Variants in TLN2 observed in about 807,000 individuals in gnomAD.
TLN2 encodes talin-2.
TLN2 carries 118 observed loss-of-function variants against 294.7 expected under a neutral mutation model. The ratio of observed to expected loss-of-function variants is 0.40; its 90% CI spans 0.34 to 0.47. The LOEUF is 0.47. Among genes scored for constraint, TLN2 ranks in the 20% least tolerant of loss-of-function variants. TLN2 has a pLI of 0.84. For missense variants in TLN2, 3,083 were observed against 3,282.2 expected (o/e 0.94, Z 1.48); for synonymous variants, 1,431 against 1,304.5 (o/e 1.10, Z -2.09).
At chr15:62,518,594 GT>G (rs1202686248) in intron 1 of TLN2, among the ~76,000 whole-genome samples, 1 of 151,622 alleles carries the variant, frequency 6.6e-6, no homozygotes, top group Admixed American at 6.6e-5. Context: ...GACCTGCAAT[GT>G]TTTTTTTGTT....
At chr15:62,591,774 G>A (rs1338162240) in intron 2 of TLN2, among the ~76,000 whole-genome samples, 1 of 152,108 alleles carries the variant, frequency 6.6e-6, no homozygotes, top group East Asian at 1.9e-4. Context: ...CTCCAGGCTG[G>A]GTGTGGAGGT....
chr15:62,816,451 C>T (rs1374261474), intron 52 of TLN2, among the ~76,000 whole-genome samples: 1 of 152,212 alleles, frequency 6.6e-6, no homozygotes, highest in Non-Finnish European at 1.5e-5. Context: ...TATCAGAAAT[C>T]ATGTTGACTT....
chr15:62,720,945 T>C (rs944670190), intron 25 of TLN2, among the ~76,000 whole-genome samples: 5 of 152,168 alleles, frequency 3.3e-5, no homozygotes, highest in African/African-American at 1.2e-4. Context: ...CTTTGCAGAT[T>C]ATGACTTGGA....
At position 62,800,641 on chromosome 15, in the gene TLN2, C is replaced by A. The variant is rs773080182; in HGVS notation, c.6361-12C>A. The A allele has an allele frequency of 4.3e-6, 7 of 1,613,690 alleles. No homozygotes were observed. The highest frequency in any genetic ancestry group is 5.9e-6 in the Non-Finnish European group (7 of 1,179,814). On this transcript the variant is annotated splice_polypyrimidine_tract_variant and intron_variant, in intron 49 of 58. Coordinates refer to ENST00000636159, the MANE Select transcript of TLN2 (RefSeq NM_015059.3). ...ACTGCACTATCTGTATTCATTCTCC[C>A]TTCCTATGCAGGTGATGGTGACCAA...
chr15:62,687,703 G>A (rs552007552), intron 12 of TLN2: 1 of 152,096 alleles, frequency 6.6e-6, no homozygotes, highest in Admixed American at 6.5e-5. Context: ...TATCATAATA[G>A]GACATCAGAA....
chr15:62,648,996 C>T (rs562252552), intron 4 of TLN2, among the ~76,000 whole-genome samples: 10 of 152,146 alleles, frequency 6.6e-5, no homozygotes, highest in Admixed American at 2.0e-4. Flanking sequence ...CAGGTGCACA[C>T]GCCACCACAC....
intron 54 of TLN2, chr15:62,832,666 A>G (rs2069001339): frequency 6.6e-6 from 1 of 152,210 alleles, no homozygotes. Flanking sequence ...TGTCCAGAGG[A>G]CAGAACAAGC....
chr15:62,748,767 G>C (rs2061755553), intron 33 of TLN2, among the ~76,000 whole-genome samples: 1 of 152,198 alleles, frequency 6.6e-6, no homozygotes, highest in African/African-American at 2.4e-5. Context: ...CTGAAGATCA[G>C]CAATTTTTAC....
chr15:62,508,341 C>T lies in TLN2; in HGVS notation c.-237-81346C>T, dbSNP rs187418261. ...AAGCGATTCTCCTGCCTCAGCCTCC[C>T]GGGTAGCTGGGACTACAGGCGCGTG... is the stretch of plus-strand genomic sequence containing the variant. On this transcript the variant is annotated intron_variant, in intron 1 of 58. Transcript: ENST00000636159. Among the ~76,000 whole-genome samples, 687 of 152,236 alleles carry T rather than the reference C, an allele frequency of 4.5e-3. 8 individuals carry two copies. The highest frequency in any genetic ancestry group is 0.016 in the African/African-American group (657 of 41,526).
At chr15:62,670,637 C>G (rs1387349234) in intron 9 of TLN2, among the ~76,000 whole-genome samples, 1 of 152,148 alleles carries the variant, frequency 6.6e-6, no homozygotes, top group Non-Finnish European at 1.5e-5. Flanking sequence ...CATGTTGTAA[C>G]ATATTTCAGT....
intron 1 of TLN2, among the ~76,000 whole-genome samples, chr15:62,527,744 TC>T (rs1449307113): frequency 6.6e-6 from 1 of 152,202 alleles, no homozygotes; most frequent in African/African-American, 2.4e-5. Context: ...AGCTGGTGGG[TC>T]TTATCCACTG....
chr15:62,843,697 C>CA lies in TLN2; in HGVS notation c.*3093dup, dbSNP rs2070930740. ...CAACTAAAGCCTGTTCCTAATTTATCAAAAAATTATAACCAAAATTCACCA... is the reference window on the plus strand; with the variant it reads ...CAACTAAAGCCTGTTCCTAATTTATCAAAAAAATTATAACCAAAATTCACCA... On this transcript the variant is annotated 3_prime_UTR_variant, in exon 59 of 59. Transcript: ENST00000636159. 1 of 152,184 alleles carries CA rather than the reference C, an allele frequency of 6.6e-6. No individual in the cohort carries two copies. The highest frequency in any genetic ancestry group is 1.5e-5 in the Non-Finnish European group (1 of 68,032). The allele number at this position is 152,184 out of a possible 1,614,324, so 9.4% of individuals were successfully genotyped here.
chr15:62,435,048 G>A (rs2035219019), intron 1 of TLN2, among the ~76,000 whole-genome samples: 1 of 152,154 alleles, frequency 6.6e-6, no homozygotes. Context: ...AGTTTGCTGA[G>A]GATGATGACT....
At chr15:62,781,441 T>C (rs1171335503) in intron 44 of TLN2, among the ~76,000 whole-genome samples, 200 bp downstream of exon 44, 2 of 152,040 alleles carry the variant, frequency 1.3e-5, no homozygotes, top group Non-Finnish European at 2.9e-5. Context: ...GCAGTTCTTT[T>C]CTCATGAAAA....
intron 39 of TLN2, among the ~76,000 whole-genome samples, chr15:62,762,655 T>G (rs1334769285): frequency 6.6e-6 from 1 of 152,238 alleles, no homozygotes; most frequent in African/African-American, 2.4e-5. Context: ...TACAAGTGCT[T>G]TATCTGTGTT....
chr15:62,544,290 C>T (rs1195280070), intron 1 of TLN2, among the ~76,000 whole-genome samples: 1 of 152,182 alleles, frequency 6.6e-6, no homozygotes, highest in Non-Finnish European at 1.5e-5. Flanking sequence ...CTTCCCTAGT[C>T]TCCCCCAGCC....
At chr15:62,740,607 T>C in intron 31 of TLN2, 23 bp from the exon 32 acceptor site, 3 of 1,613,874 alleles carry the variant, frequency 1.9e-6, no homozygotes, top group Non-Finnish European at 2.5e-6. Context: ...CCCTAATAGC[T>C]CCGGCTCCTT....
chr15:62,628,006 A>G (rs190634096), intron 3 of TLN2, among the ~76,000 whole-genome samples: 1 of 152,354 alleles, frequency 6.6e-6, no homozygotes, highest in Non-Finnish European at 1.5e-5. Context: ...AAAATCACAC[A>G]GGAACTGTCA....
intron 31 of TLN2, 57 bp downstream of exon 31, chr15:62,739,602 A>G: frequency 6.3e-7 from 1 of 1,593,248 alleles, no homozygotes; most frequent in Non-Finnish European, 8.6e-7. Flanking sequence ...CGGATGGATA[A>G]TCCATCCTTG....
Sources: gnomAD v4.1 joint callset for allele counts (sites outside exome capture counted in the v4.1 genomes callset) on GRCh38, gnomAD v4.1.1 for gene constraint, MANE v1.5 for transcripts, NCBI Gene and HGNC (gene_info 2026-07-23, HGNC 2026-07-21) for gene names.